The following TPH2 variants were observed in gnomAD, a reference collection of about 807,000 sequenced individuals.
TPH2 encodes tryptophan hydroxylase 2.
TPH2 carries 27 observed loss-of-function variants against 59.1 expected under a neutral mutation model. The ratio of observed to expected loss-of-function variants is 0.46; its 90% confidence interval spans 0.34 to 0.63. The LOEUF (loss-of-function observed/expected upper bound fraction) is 0.63. Ranked by LOEUF, TPH2 falls within the 30% of genes least tolerant of loss-of-function variation. The pLI is 0.01. For synonymous variants in TPH2, 220 were observed against 210.5 expected (o/e 1.05, Z -0.39); for missense variants, 523 against 588.3 (o/e 0.89, Z 1.15).
intron 5 of TPH2, among the ~76,000 whole-genome samples, chr12:71,953,688 C>CA (rs1871414899): frequency 6.6e-6 from 1 of 152,046 alleles, no homozygotes; most frequent in Admixed American, 6.6e-5. Context: ...CCACTTTGTC[C>CA]AAGGGATAGA....
chr12:71,948,213 T>A (rs1871249510), intron 4 of TPH2, among the ~76,000 whole-genome samples: 1 of 151,986 alleles, frequency 6.6e-6, no homozygotes, highest in Admixed American at 6.6e-5. Flanking sequence ...CTTCAAGGAC[T>A]GTGGTAAGTA....
chr12:71,984,900 T>G (rs1872387725), intron 7 of TPH2, among the ~76,000 whole-genome samples: 1 of 152,186 alleles, frequency 6.6e-6, no homozygotes, highest in African/African-American at 2.4e-5. Context: ...CCAGTTAAGA[T>G]GTTAGAGGCC....
At chr12:71,944,548 G>T (rs748915501) in intron 3 of TPH2, 38 bp from the exon 4 acceptor site, 1 of 1,613,684 alleles carries the variant, frequency 6.2e-7, no homozygotes, top group Non-Finnish European at 8.5e-7. Flanking sequence ...AACACAATCT[G>T]TGAACTAATA....
chr12:71,941,751 T>C lies in TPH2; in HGVS notation c.255+18T>C, dbSNP rs1476112781. The C allele has an allele frequency of 2.5e-6, 4 of 1,611,780 alleles. No individual in the cohort carries two copies. The highest frequency in any genetic ancestry group is 1.7e-6 in the Non-Finnish European group (2 of 1,178,032). On this transcript the variant is annotated intron_variant, in intron 2 of 10. Coordinates refer to ENST00000333850, the MANE Select transcript of TPH2 (RefSeq NM_173353.4). Reference sequence around the variant, plus strand: ...TCTTTCAGGTGAATGTGAAATATCATTACATAATTTTAAAAGTGACCGTGT... The same window carrying C: ...TCTTTCAGGTGAATGTGAAATATCACTACATAATTTTAAAAGTGACCGTGT...
intron 8 of TPH2, among the ~76,000 whole-genome samples, chr12:72,014,397 T>C (rs12814228): frequency 0.046 from 6,824 of 148,658 alleles, 257 homozygotes; most frequent in East Asian, 0.17. Context: ...CTTTTTTTCT[T>C]TTTTTTTTTT....
chr12:71,958,482 C>G (rs141697056), intron 5 of TPH2, among the ~76,000 whole-genome samples: 98 of 152,254 alleles, frequency 6.4e-4, no homozygotes, highest in African/African-American at 2.2e-3. Flanking sequence ...TGAAATGCAC[C>G]ATCCTTGTAA....
At chr12:72,022,205 T>G (rs893309222) in intron 8 of TPH2, among the ~76,000 whole-genome samples, 194 bp from the exon 9 acceptor site, 3 of 152,232 alleles carry the variant, frequency 2.0e-5, no homozygotes, top group Admixed American at 2.0e-4. Context: ...TAATACTTTT[T>G]TCATATACAT....
At chr12:71,996,207 G>A (rs796127489) in intron 8 of TPH2, among the ~76,000 whole-genome samples, 27 of 152,298 alleles carry the variant, frequency 1.8e-4, no homozygotes, top group Middle Eastern at 3.4e-3. Context: ...CACCGTGTGG[G>A]CCTCTCCTTA....
At chr12:71,996,522 CA>C (rs1378099370) in intron 8 of TPH2, among the ~76,000 whole-genome samples, 3 of 152,352 alleles carry the variant, frequency 2.0e-5, no homozygotes, top group Admixed American at 2.0e-4. Flanking sequence ...CTGTGCATTT[CA>C]AACTTGCCTT....
intron 7 of TPH2, among the ~76,000 whole-genome samples, chr12:71,992,411 C>A (rs980738654): frequency 1.3e-5 from 2 of 148,780 alleles, no homozygotes; most frequent in Non-Finnish European, 3.0e-5. Context: ...GTGAGGAACC[C>A]CCACCCCCAC....
At chr12:71,977,769 G>A (rs571777813) in intron 6 of TPH2, among the ~76,000 whole-genome samples, 20 of 152,110 alleles carry the variant, frequency 1.3e-4, no homozygotes, top group Non-Finnish European at 2.8e-4. Context: ...CATTGTATGT[G>A]TGTATCAAAA....
intron 5 of TPH2, chr12:71,964,628 T>G: frequency 2.0e-6 from 2 of 985,328 alleles, no homozygotes; most frequent in Non-Finnish European, 2.4e-6. Flanking sequence ...TGGTACCAAC[T>G]AATATAGTAC....
intron 8 of TPH2, among the ~76,000 whole-genome samples, chr12:72,000,698 C>G (rs1222871683): frequency 1.3e-5 from 2 of 152,172 alleles, no homozygotes. Flanking sequence ...CAGGATATCA[C>G]CAGATAAATA....
At chr12:71,996,737 A>G (rs558457352) in intron 8 of TPH2, among the ~76,000 whole-genome samples, 67 of 152,294 alleles carry the variant, frequency 4.4e-4, no homozygotes, top group Non-Finnish European at 9.4e-4. Flanking sequence ...ATAAGGCAGG[A>G]GTTTATGGAT....
chr12:71,981,620 G>A (rs567007173), intron 7 of TPH2, among the ~76,000 whole-genome samples: 1 of 152,192 alleles, frequency 6.6e-6, no homozygotes, highest in African/African-American at 2.4e-5. Context: ...ACGAGGGGAG[G>A]GCCCCTAAGG....
intron 5 of TPH2, among the ~76,000 whole-genome samples, chr12:71,970,555 G>A (rs1179000000): frequency 1.3e-5 from 2 of 152,184 alleles, no homozygotes; most frequent in Non-Finnish European, 2.9e-5. Context: ...CAGCCTCATT[G>A]CTTTCCTACC....
At chr12:71,987,474 T>C (rs1192098233) in intron 7 of TPH2, among the ~76,000 whole-genome samples, 2 of 152,182 alleles carry the variant, frequency 1.3e-5, no homozygotes, top group African/African-American at 4.8e-5. Flanking sequence ...TAGGTATAAA[T>C]ACAATTTAAT....
intron 5 of TPH2, among the ~76,000 whole-genome samples, chr12:71,969,460 A>C (rs1025881154): frequency 1.2e-4 from 19 of 152,104 alleles, no homozygotes; most frequent in Non-Finnish European, 4.4e-5. Context: ...TTTTTTCTCA[A>C]ATGTCAAATT....
chr12:71,947,297 T>A (rs924363042), intron 4 of TPH2, among the ~76,000 whole-genome samples: 11 of 152,196 alleles, frequency 7.2e-5, no homozygotes, highest in African/African-American at 2.4e-4. Context: ...TCCCAGGTGA[T>A]TCTAATATTC....
Sources: gnomAD v4.1 joint callset for allele counts (sites outside exome capture counted in the v4.1 genomes callset) on GRCh38, gnomAD v4.1.1 for gene constraint, MANE v1.5 for transcripts, NCBI Gene and HGNC (gene_info 2026-07-23, HGNC 2026-07-21) for gene names.